The following SCMH1 variants were observed in gnomAD, a reference collection of about 807,000 sequenced individuals.
SCMH1 encodes the protein Scm polycomb group protein homolog 1, also known as polycomb protein SCMH1.
A neutral mutation model predicts 70.8 loss-of-function variants in SCMH1; 37 were observed. The ratio of observed to expected loss-of-function variants is 0.52; its 90% CI spans 0.40 to 0.69. The LOEUF is 0.69. Ranked by LOEUF, SCMH1 falls within the 30% of genes least tolerant of loss-of-function variation. The pLI is 0.00. For synonymous variants in SCMH1, 292 were observed against 307.4 expected (o/e 0.95, Z 0.52); for missense variants, 607 against 827.3 (o/e 0.73, Z 3.27).
chr1:41,104,440 G>C (rs1337296217), intron 8 of SCMH1, among the ~76,000 whole-genome samples: 1 of 152,098 alleles, frequency 6.6e-6, no homozygotes, highest in Non-Finnish European at 1.5e-5. Flanking sequence ...TACCTGAGTG[G>C]CTATTCTCAT....
intron 1 of SCMH1, among the ~76,000 whole-genome samples, chr1:41,206,097 A>G (rs1655474841): frequency 6.6e-6 from 1 of 152,238 alleles, no homozygotes. Context: ...AAACCAGAGC[A>G]GAAAAGCTGA....
At chr1:41,234,733 C>T (rs1662012669) in intron 1 of SCMH1, among the ~76,000 whole-genome samples, 1 of 151,978 alleles carries the variant, frequency 6.6e-6, no homozygotes, top group Non-Finnish European at 1.5e-5. Context: ...CTCGGCCTCC[C>T]AAAATGCTGG....
At chr1:41,072,669 C>T (rs1052597394) in intron 9 of SCMH1, among the ~76,000 whole-genome samples, 7 of 152,114 alleles carry the variant, frequency 4.6e-5, no homozygotes, top group African/African-American at 1.4e-4. Flanking sequence ...TGAGACCAGC[C>T]TGGGCAACAT....
chr1:41,107,292 G>A (rs747920831), intron 8 of SCMH1, among the ~76,000 whole-genome samples: 4 of 151,692 alleles, frequency 2.6e-5, no homozygotes, highest in South Asian at 2.1e-4. Context: ...CTCCAAAGTC[G>A]TACTTTATTG....
At chr1:41,124,445 T>C (rs1013037733) in intron 6 of SCMH1, among the ~76,000 whole-genome samples, 3 of 152,186 alleles carry the variant, frequency 2.0e-5, no homozygotes, top group Non-Finnish European at 4.4e-5. Context: ...TCCTTTAATG[T>C]AGAATTCATG....
intron 10 of SCMH1, among the ~76,000 whole-genome samples, chr1:41,056,327 CGCAGAGATGAGCT>C (rs1221149028): frequency 6.6e-6 from 1 of 152,210 alleles, no homozygotes; most frequent in African/African-American, 2.4e-5. Flanking sequence ...TGCCATGTGG[CGCAGAGATGAGCT>C]GTATTCATTT....
At chr1:41,030,683 A>G (rs761347278) in intron 13 of SCMH1, among the ~76,000 whole-genome samples, 1 of 152,134 alleles carries the variant, frequency 6.6e-6, no homozygotes, top group Non-Finnish European at 1.5e-5. Flanking sequence ...CACACAGTAC[A>G]TATCGTTACC....
intron 1 of SCMH1, among the ~76,000 whole-genome samples, chr1:41,233,415 C>T (rs1035171776): frequency 6.6e-6 from 1 of 152,092 alleles, no homozygotes; most frequent in Non-Finnish European, 1.5e-5. Context: ...ACAAAATTGT[C>T]ACTATCAATC....
chr1:41,118,959 T>C (rs1341802605), intron 6 of SCMH1, among the ~76,000 whole-genome samples: 1 of 152,244 alleles, frequency 6.6e-6, no homozygotes, highest in African/African-American at 2.4e-5. Context: ...TCACTTTCTA[T>C]TGACTATCTA....
chr1:41,183,480 T>A (rs1177079260), intron 2 of SCMH1, among the ~76,000 whole-genome samples: 1 of 152,166 alleles, frequency 6.6e-6, no homozygotes, highest in Non-Finnish European at 1.5e-5. Flanking sequence ...TTTGGGAAAT[T>A]CCTATTTATT....
chr1:41,100,633 T>C (rs1442979079), intron 8 of SCMH1, among the ~76,000 whole-genome samples: 1 of 151,226 alleles, frequency 6.6e-6, no homozygotes. Context: ...TGGCACGATC[T>C]CGGCTCACTG....
intron 10 of SCMH1, 86 bp from the exon 11 acceptor site, chr1:41,048,976 C>G (rs766342413): frequency 1.1e-4 from 142 of 1,257,832 alleles, no homozygotes; most frequent in Non-Finnish European, 1.6e-4. Context: ...TCTTTTATAC[C>G]TTGGCCTCTG....
intron 6 of SCMH1, among the ~76,000 whole-genome samples, chr1:41,129,169 T>G (rs746395379): frequency 6.6e-5 from 10 of 152,288 alleles, no homozygotes; most frequent in East Asian, 5.8e-4. Context: ...TTCTCTTGCT[T>G]GTTTGCATGC....
intron 1 of SCMH1, among the ~76,000 whole-genome samples, chr1:41,220,215 T>A (rs1469656678): frequency 1.3e-5 from 2 of 152,234 alleles, no homozygotes; most frequent in African/African-American, 4.8e-5. Context: ...GGAGGACCCA[T>A]GGCCTGCTTT....
At chr1:41,056,790 C>T (rs78115019) in intron 10 of SCMH1, among the ~76,000 whole-genome samples, 11,867 of 152,238 alleles carry the variant, frequency 0.078, 595 homozygotes, top group South Asian at 0.12. Context: ...GTCCCAGTCA[C>T]TGGGGAGGAG....
At chr1:41,106,452 G>A (rs868651664) in intron 8 of SCMH1, among the ~76,000 whole-genome samples, 2 of 151,832 alleles carry the variant, frequency 1.3e-5, no homozygotes, top group Admixed American at 1.3e-4. Flanking sequence ...ATGCAGCACC[G>A]TGTTTATACA....
chr1:41,048,893 A>G lies in SCMH1; in HGVS notation c.1106-3T>C, dbSNP rs1647154728. 2 of 1,606,096 alleles carry G rather than the reference A, an allele frequency of 1.2e-6. No individual in the cohort carries two copies. Among genetic ancestry groups the G allele is most frequent in the Non-Finnish European group, 1.7e-6 (2 of 1,176,138 alleles). On this transcript the variant is annotated splice_polypyrimidine_tract_variant and splice_region_variant and intron_variant, in intron 10 of 14. Coordinates refer to ENST00000337495, the Ensembl canonical transcript of SCMH1. ...ATTCTTGTTCAAGTAGATACAAACT[A>G]TGGGAGACAAAGAATCAAAGAAGCT...
chr1:41,235,640 T>C lies in SCMH1; in HGVS notation c.-118+6419A>G, dbSNP rs1662237314. On this transcript the variant is annotated intron_variant, in intron 1 of 14. Coordinates refer to ENST00000337495, the Ensembl canonical transcript of SCMH1. ...AAAGGCATAAAGAATAATTAATAGA[T>C]ACCTATATATCCACAACTCAGTTGA... Among the ~76,000 whole-genome samples, 6 of 144,176 alleles carry C rather than the reference T, an allele frequency of 4.2e-5. No homozygotes were observed. The Admixed American group carries it at 4.2e-4, about 10-fold the overall frequency. 94.6% of individuals were successfully genotyped at this position (144,176 alleles called of 152,430 possible).
intron 2 of SCMH1, among the ~76,000 whole-genome samples, chr1:41,175,051 C>G (rs773580092): frequency 3.3e-5 from 5 of 152,174 alleles, no homozygotes; most frequent in Non-Finnish European, 7.3e-5. Context: ...TGATGGTTAA[C>G]TTTATGTGTC....
Sources: gnomAD v4.1 joint callset for allele counts (sites outside exome capture counted in the v4.1 genomes callset) on GRCh38, gnomAD v4.1.1 for gene constraint, MANE v1.5 for transcripts, NCBI Gene and HGNC (gene_info 2026-07-23, HGNC 2026-07-21) for gene names.